The following HIVEP3 variants were observed in gnomAD, a reference collection of about 807,000 sequenced individuals.
The protein encoded by HIVEP3 is HIVEP zinc finger 3.
HIVEP3 carries 49 observed loss-of-function variants against 152.8 expected under a neutral mutation model. The ratio of observed to expected loss-of-function variants is 0.32; its 90% CI spans 0.26 to 0.41. The LOEUF (loss-of-function observed/expected upper bound fraction) is 0.41. Ranked by LOEUF, HIVEP3 falls within the 10% of genes least tolerant of loss-of-function variation. The probability of loss-of-function intolerance (pLI) is 1.00; values close to 1 mark genes in which losing one functional copy is unlikely to be tolerated. For missense variants in HIVEP3, 2,790 were observed against 3,103.3 expected, an observed-to-expected ratio of 0.90 and a Z score of 2.40; for synonymous variants, 1,269 against 1,289.0, an observed-to-expected ratio of 0.98 and a Z score of 0.33.
chr1:41,797,440 C>A (rs1650046676), intron 1 of HIVEP3, among the ~76,000 whole-genome samples: 1 of 152,160 alleles, frequency 6.6e-6, no homozygotes, highest in South Asian at 2.1e-4. Flanking sequence ...CTCCAGGAAA[C>A]TATTCCCTTC....
intron 1 of HIVEP3, among the ~76,000 whole-genome samples, chr1:41,710,813 G>A (rs1295958542): frequency 6.6e-6 from 1 of 152,200 alleles, no homozygotes; most frequent in Non-Finnish European, 1.5e-5. Context: ...GTCACCATAG[G>A]ATGGCGGCTG....
chr1:41,597,452 T>G (rs893266741), intron 3 of HIVEP3, among the ~76,000 whole-genome samples: 2 of 152,342 alleles, frequency 1.3e-5, no homozygotes, highest in Admixed American at 6.5e-5. Flanking sequence ...AAATGAACTC[T>G]GACTATGTGC....
chr1:41,779,391 G>A (rs192355804), intron 1 of HIVEP3, among the ~76,000 whole-genome samples: 3 of 152,200 alleles, frequency 2.0e-5, no homozygotes, highest in Admixed American at 6.5e-5. Context: ...CCTATCACAG[G>A]GGCTATTGTG....
chr1:41,780,719 C>T (rs913563023), intron 1 of HIVEP3, among the ~76,000 whole-genome samples: 4 of 152,086 alleles, frequency 2.6e-5, no homozygotes, highest in Non-Finnish European at 5.9e-5. Context: ...GTCTGGGGCT[C>T]GGGAGTCTGA....
chr1:41,795,630 T>C (rs1649940396), intron 1 of HIVEP3, among the ~76,000 whole-genome samples: 1 of 152,222 alleles, frequency 6.6e-6, no homozygotes, highest in South Asian at 2.1e-4. Flanking sequence ...ATTTGCACTT[T>C]CTTCCCTTAT....
At chr1:41,759,510 C>T (rs1401679815) in intron 1 of HIVEP3, among the ~76,000 whole-genome samples, 2 of 152,178 alleles carry the variant, frequency 1.3e-5, no homozygotes, top group African/African-American at 4.8e-5. Context: ...CATTCATGTA[C>T]AAGTTTTTCT....
intron 1 of HIVEP3, among the ~76,000 whole-genome samples, chr1:41,880,563 G>A (rs1644245621): frequency 6.6e-6 from 1 of 152,244 alleles, no homozygotes; most frequent in Non-Finnish European, 1.5e-5. Context: ...TTCAGGAAGA[G>A]TGGATTGGCT....
At chr1:41,621,430 C>A (rs1645045575) in intron 3 of HIVEP3, among the ~76,000 whole-genome samples, 1 of 152,266 alleles carries the variant, frequency 6.6e-6, no homozygotes, top group Non-Finnish European at 1.5e-5. Flanking sequence ...CTCTGTCTCC[C>A]AAGGGAGGGC....
chr1:41,558,275 C>G (rs1261817919), intron 5 of HIVEP3, among the ~76,000 whole-genome samples: 1 of 152,186 alleles, frequency 6.6e-6, no homozygotes, highest in African/African-American at 2.4e-5. Flanking sequence ...CCTGTTGGAG[C>G]CCAGCCACCT....
At chr1:41,755,866 T>C (rs981805868) in intron 1 of HIVEP3, among the ~76,000 whole-genome samples, 4 of 152,228 alleles carry the variant, frequency 2.6e-5, no homozygotes, top group Admixed American at 6.5e-5. Context: ...CCCTTGTCCA[T>C]TGCCGGTGGG....
At chr1:41,616,002 C>T (rs1046503769) in intron 3 of HIVEP3, among the ~76,000 whole-genome samples, 3 of 151,970 alleles carry the variant, frequency 2.0e-5, no homozygotes, top group East Asian at 1.9e-4. Context: ...CACTCTCTAC[C>T]GCATCTCAAG....
chr1:41,914,307 A>G (rs1481890957), intron 1 of HIVEP3, among the ~76,000 whole-genome samples: 1 of 152,160 alleles, frequency 6.6e-6, no homozygotes, highest in East Asian at 1.9e-4. Context: ...TCTCCATCAT[A>G]TTACAATTAG....
intron 1 of HIVEP3, among the ~76,000 whole-genome samples, chr1:41,999,389 A>C (rs1645414267): frequency 6.6e-6 from 1 of 152,168 alleles, no homozygotes; most frequent in Non-Finnish European, 1.5e-5. Flanking sequence ...AACTCATAAA[A>C]GTGCTAGAGG....
At chr1:41,545,378 T>TACC (rs60196842) in intron 5 of HIVEP3, among the ~76,000 whole-genome samples, 67,852 of 72,810 alleles carry the variant, frequency 0.93, 31,559 homozygotes, top group Non-Finnish European at 0.97. Flanking sequence ...CCACCACCAC[T>TACC]ACCACCACCA....
intron 1 of HIVEP3, among the ~76,000 whole-genome samples, chr1:41,972,934 T>C (rs1382814865): frequency 6.6e-6 from 1 of 152,100 alleles, no homozygotes; most frequent in African/African-American, 2.4e-5. Flanking sequence ...TATTGAAACA[T>C]TATTATATAA....
rs145250934 is a variant in HIVEP3, at chr1:41,814,568, T to C, written c.-801+103845A>G. On this transcript the variant is annotated intron_variant, in intron 1 of 8. Coordinates refer to ENST00000372583, the MANE Select transcript of HIVEP3 (RefSeq NM_024503.5). ...CCAGATTATAGCCATGAATCTTGCATAACCTGGGTGAAACGCTTTTCCAAA... is the reference window on the plus strand; with the variant it reads ...CCAGATTATAGCCATGAATCTTGCACAACCTGGGTGAAACGCTTTTCCAAA... Among the ~76,000 whole-genome samples the C allele has an allele frequency of 4.2e-3, 644 of 152,372 alleles. 9 individuals carry two copies. The highest frequency in any genetic ancestry group is 0.015 in the African/African-American group (622 of 41,584).
At chr1:41,726,177 G>A (rs1012479277) in intron 1 of HIVEP3, among the ~76,000 whole-genome samples, 3 of 152,126 alleles carry the variant, frequency 2.0e-5, no homozygotes, top group African/African-American at 7.2e-5. Context: ...CATGTCTCAA[G>A]CATTTTCATG....
At chr1:41,680,206 T>A (rs1052468382) in intron 2 of HIVEP3, among the ~76,000 whole-genome samples, 1 of 152,202 alleles carries the variant, frequency 6.6e-6, no homozygotes, top group Non-Finnish European at 1.5e-5. Flanking sequence ...CAACCAGGCC[T>A]GACATTGGGC....
intron 1 of HIVEP3, among the ~76,000 whole-genome samples, chr1:41,705,677 G>T (rs1269479830): frequency 1.3e-5 from 2 of 152,194 alleles, no homozygotes; most frequent in African/African-American, 4.8e-5. Flanking sequence ...CATCGCTGCT[G>T]GTAGTGAAAA....
Sources: allele counts gnomAD v4.1 joint callset (sites outside exome capture counted in the v4.1 genomes callset), GRCh38; gene constraint gnomAD v4.1.1; transcripts MANE v1.5; gene names NCBI Gene and HGNC (gene_info 2026-07-23, HGNC 2026-07-21).